The following FCRLB variants were observed in gnomAD, a reference collection of about 807,000 sequenced individuals.
FCRLB encodes Fc receptor-like B.
In FCRLB, 34 loss-of-function variants were observed where a neutral mutation model predicts 33.6. The ratio of observed to expected loss-of-function variants is 1.01; its 90% CI spans 0.77 to 1.35. The LOEUF (loss-of-function observed/expected upper bound fraction) is 1.35. Ranked by LOEUF, FCRLB falls within the 40% of genes most tolerant of loss-of-function variation. The pLI, the probability that FCRLB is intolerant of heterozygous loss-of-function variation, is 0.00. For synonymous variants in FCRLB, 280 were observed against 255.9 expected (o/e 1.09, Z -0.90); for missense variants, 560 against 580.2 (o/e 0.97, Z 0.36).
chr1:161,723,512 A>G (rs1683442938), exon 5 of FCRLB: 1 of 1,613,954 alleles, frequency 6.2e-7, no homozygotes, highest in South Asian at 1.1e-5. Context: ...TGGGCCACCT[A>G]CTTCTGCCCT....
exon 6 of FCRLB, chr1:161,725,861 G>C (rs1683526525): frequency 6.2e-7 from 1 of 1,613,930 alleles, no homozygotes; most frequent in African/African-American, 1.3e-5. Context: ...CAGTGTTCGA[G>C]GGTGAGCCGC....
chr1:161,727,805 G>A lies in FCRLB; in HGVS notation c.*143G>A, dbSNP rs1054907601. 7 of 1,033,760 alleles carry A rather than the reference G, an allele frequency of 6.8e-6. No individual in the cohort carries two copies. The South Asian group carries it at 1.3e-4, about 19-fold the overall frequency. The allele number at this position is 1,033,760 out of a possible 1,614,324, so 64.0% of individuals were successfully genotyped here. A position where few individuals can be genotyped will look rare whatever the true frequency, so the allele number is the denominator to read the frequency against. On this transcript the variant is annotated 3_prime_UTR_variant, in exon 8 of 8. Transcript: ENST00000367948. ...GGAGCGCCCACGAAGTGTAGTGGCT[G>A]ACGATTTCAACCTCACACAGCAGTT...
In FCRLB at chr1:161,726,200, G is replaced by A. The variant is rs1231811337; in HGVS notation, c.574+113G>A. Reference sequence around the variant, plus strand: ...AGTTCAAATAGCTGCCACTTGGAGGGTTTCTCTTAGACTATGGACGCTGTC... The same window carrying A: ...AGTTCAAATAGCTGCCACTTGGAGGATTTCTCTTAGACTATGGACGCTGTC... On this transcript the variant is annotated intron_variant, in intron 6 of 7. Coordinates refer to ENST00000367948, the Ensembl canonical transcript of FCRLB. The surrounding 1 kb of genome is among the most constrained non-coding windows in gnomAD (Gnocchi z 5.2). The A allele has an allele frequency of 6.6e-7, 1 of 1,519,810 alleles. No individual in the cohort carries two copies. Among genetic ancestry groups the A allele is most frequent in the Non-Finnish European group, 9.0e-7 (1 of 1,109,138 alleles). 94.1% of individuals were successfully genotyped at this position (1,519,810 alleles called of 1,614,324 possible). A position where few individuals can be genotyped will look rare whatever the true frequency, so the allele number is the denominator to read the frequency against.
intron 5 of FCRLB, among the ~76,000 whole-genome samples, chr1:161,723,910 G>A (rs1053394999): frequency 2.0e-5 from 3 of 152,186 alleles, no homozygotes; most frequent in Non-Finnish European, 2.9e-5. Flanking sequence ...AGGCTCCAAG[G>A]ACCTGGAGTG....
chr1:161,723,648 G>C, intron 5 of FCRLB, 27 bp downstream of exon 5: 1 of 1,602,554 alleles, frequency 6.2e-7, no homozygotes, highest in South Asian at 1.1e-5. Context: ...CGAGGGGAGG[G>C]GGAGCACGTG....
In FCRLB at chr1:161,726,067, A is replaced by T. The variant is rs1441717105; in HGVS notation, c.554A>T (p.Lys185Met). Reference sequence around the variant, plus strand: ...GAGAGCGCGCCCATGTTCTCCGCTAAGGTGGCTGTGACAGTGCAAGGTGGG... The same window carrying T: ...GAGAGCGCGCCCATGTTCTCCGCTATGGTGGCTGTGACAGTGCAAGGTGGG... The change falls in exon 6 of 8, where the codon AAG (lysine) becomes ATG (methionine). Residue 185 changes from lysine (K) to methionine (M), a missense_variant. Physicochemically the swap from Lys to Met is moderately conservative, Grantham distance 95. Coordinates refer to ENST00000367948, the Ensembl canonical transcript of FCRLB. The surrounding 1 kb of genome is among the most constrained non-coding windows in gnomAD (Gnocchi z 5.2). 4 of 1,611,186 alleles carry T rather than the reference A, an allele frequency of 2.5e-6. No homozygotes were observed. Among genetic ancestry groups the T allele is most frequent in the Non-Finnish European group, 2.5e-6 (3 of 1,177,992 alleles).
exon 5 of FCRLB, chr1:161,723,398 T>C: frequency 6.2e-7 from 1 of 1,613,860 alleles, no homozygotes; most frequent in Admixed American, 1.7e-5. Context: ...TGTCTCTACA[T>C]CCACCTTGGA....
chr1:161,725,037 T>C (rs965234681), intron 5 of FCRLB, among the ~76,000 whole-genome samples: 2 of 152,116 alleles, frequency 1.3e-5, no homozygotes, highest in Non-Finnish European at 2.9e-5. Flanking sequence ...CAGTTCAGTA[T>C]GGCTGGAACT....
rs777388085 is a variant in FCRLB, at chr1:161,726,692, C to A, written c.575-11C>A. On this transcript the variant is annotated splice_polypyrimidine_tract_variant and intron_variant, in intron 6 of 7. Coordinates refer to ENST00000367948, the Ensembl canonical transcript of FCRLB. This position sits in a 1 kb window ranked among gnomAD's most constrained non-coding sequence, Gnocchi z 5.2. ...ACAAGCCGGCGCCGTTGCTCCCCGC[C>A]CTCTCCGTAGAGCTGTTCCGGGCGC... 1 of 1,585,512 alleles carries A rather than the reference C, an allele frequency of 6.3e-7. No individual in the cohort carries two copies. Among genetic ancestry groups the A allele is most frequent in the Non-Finnish European group, 8.5e-7 (1 of 1,172,336 alleles).
intron 7 of FCRLB, 95 bp downstream of exon 7, chr1:161,727,088 CGTCCCG>C: frequency 7.5e-7 from 1 of 1,329,126 alleles, no homozygotes; most frequent in Admixed American, 3.6e-5. Context: ...CCCTGGTTCC[CGTCCCG>C]CCCCCCGCCT....
rs1212522697 is a variant in FCRLB at position 161,726,572 on chromosome 1, C to T, written c.575-131C>T. The T allele has an allele frequency of 2.3e-6, 3 of 1,276,910 alleles. No homozygotes were observed. Among genetic ancestry groups the T allele is most frequent in the Non-Finnish European group, 3.3e-6 (3 of 911,162 alleles). 79.1% of individuals were successfully genotyped at this position (1,276,910 alleles called of 1,614,324 possible). ...TCAGAAGGCTCCCCTTCCCCCTCCACGTGGACACACGGCCTCCTCCCCTCC... is the reference window on the plus strand; with the variant it reads ...TCAGAAGGCTCCCCTTCCCCCTCCATGTGGACACACGGCCTCCTCCCCTCC... On this transcript the variant is annotated intron_variant, in intron 6 of 7. Transcript: ENST00000367948. This position sits in a 1 kb window ranked among gnomAD's most constrained non-coding sequence, Gnocchi z 5.2.
At chr1:161,724,323 C>T (rs764856347) in intron 5 of FCRLB, among the ~76,000 whole-genome samples, 25 of 151,224 alleles carry the variant, frequency 1.7e-4, no homozygotes, top group Non-Finnish European at 2.5e-4. Context: ...GGCACGGTGG[C>T]TCAAGCCTGT....
rs1173601379 is a variant in FCRLB, at chr1:161,726,429, T to C, written c.575-274T>C. ...AAGGCAGGCGCAGCGTCTCCTATTC[T>C]AGGCTGCAGAACCCGAGCTGAGTGT... On this transcript the variant is annotated intron_variant, in intron 6 of 7. Transcript: ENST00000367948. The surrounding 1 kb of genome is among the most constrained non-coding windows in gnomAD (Gnocchi z 5.2). The C allele has an allele frequency of 1.4e-6, 1 of 720,350 alleles. No homozygotes were observed. 44.6% of individuals were successfully genotyped at this position (720,350 alleles called of 1,614,324 possible). A position where few individuals can be genotyped will look rare whatever the true frequency, so the allele number is the denominator to read the frequency against.
chr1:161,725,755 G>C (rs1431588315), intron 5 of FCRLB, 66 bp from the exon 6 acceptor site: 1 of 1,529,556 alleles, frequency 6.5e-7, no homozygotes, highest in African/African-American at 1.4e-5. Context: ...GGAAGGCTGT[G>C]AGAGTGGGAG....
chr1:161,727,652 T>C (rs1571086227), exon 8 of FCRLB: 4 of 1,599,952 alleles, frequency 2.5e-6, no homozygotes, highest in Non-Finnish European at 2.6e-6. Context: ...ACCACTCCTG[T>C]GGAGAGCTGA....
Position 161,726,514 on chromosome 1 carries a change from T to A in FCRLB, c.575-189T>A, listed in dbSNP as rs1683568230. On this transcript the variant is annotated intron_variant, in intron 6 of 7. Coordinates refer to ENST00000367948, the Ensembl canonical transcript of FCRLB. The surrounding 1 kb of genome is among the most constrained non-coding windows in gnomAD (Gnocchi z 5.2). ...CCCTCTTCCTTTCAAGCTTTCCCCGTCCCTCGTGGACTCGGTCCCCCTGCC... is the reference window on the plus strand; with the variant it reads ...CCCTCTTCCTTTCAAGCTTTCCCCGACCCTCGTGGACTCGGTCCCCCTGCC... 2.4e-6 allele frequency: 2 copies of A among 834,768 alleles called. No individual in the cohort carries two copies. The highest frequency in any genetic ancestry group is 2.6e-5 in the East Asian group (1 of 37,798). 51.7% of individuals were successfully genotyped at this position (834,768 alleles called of 1,614,324 possible). A position where few individuals can be genotyped will look rare whatever the true frequency, so the allele number is the denominator to read the frequency against.
chr1:161,727,221 C>A (rs761130893), intron 7 of FCRLB, 26 bp from the exon 8 acceptor site: 43 of 1,558,230 alleles, frequency 2.8e-5, no homozygotes, highest in Non-Finnish European at 3.5e-5. Flanking sequence ...GCAAGCCGCG[C>A]GTGACTGGGC....
Position 161,727,395 on chromosome 1 carries a change from G to A in FCRLB, c.1014G>A (p.Gly338=), listed in dbSNP as rs769248738. 4 of 1,613,388 alleles carry A rather than the reference G, an allele frequency of 2.5e-6. No homozygotes were observed. In the East Asian group the frequency reaches 6.7e-5, roughly 27 times the overall value. Residue 338 remains glycine (G), a synonymous_variant, in exon 8 of 8, where the codon GGG becomes GGA. Transcript: ENST00000367948. ...CCGTCCGGAACACCACCTCCACCGG[G>A]CTGCAGTTCCCGGCGAGCGGCGCCC...
Position 161,726,739 on chromosome 1 carries a change from C to G in FCRLB, c.611C>G (p.Pro204Arg). 6.3e-7 allele frequency: 1 copy of G among 1,594,268 alleles called. No homozygotes were observed. Residue 204 changes from proline to arginine, a missense_variant, in exon 7 of 8, where the codon CCG becomes CGG. Transcript: ENST00000367948. The surrounding 1 kb of genome is among the most constrained non-coding windows in gnomAD (Gnocchi z 5.2). ...GCGCCGGTGCTGAGGGTGATGGGTC[C>G]GCGGGAGGCCCGCGGCGCGGCGCTG...
Sources: allele counts gnomAD v4.1 joint callset (sites outside exome capture counted in the v4.1 genomes callset), GRCh38; gene constraint gnomAD v4.1.1; non-coding constraint Gnocchi (gnomAD v3.1); transcripts MANE v1.5; gene names NCBI Gene and HGNC (gene_info 2026-07-23, HGNC 2026-07-21).